HS3ST5: variants seen among roughly 807,000 people sequenced by gnomAD.
The protein encoded by HS3ST5 is heparan sulfate glucosamine 3-O-sulfotransferase 5.
Under a neutral mutation model 25.4 loss-of-function variants are expected in HS3ST5, and 10 were observed. The ratio of observed to expected loss-of-function variants is 0.39; its 90% CI spans 0.24 to 0.67. HS3ST5 has a LOEUF of 0.67. Among genes scored for constraint, HS3ST5 ranks in the 30% least tolerant of loss-of-function variants. The pLI is 0.44. For synonymous variants in HS3ST5, 170 were observed against 162.4 expected (o/e 1.05, Z -0.36); for missense variants, 324 against 420.7 (o/e 0.77, Z 2.01).
chr6:114,098,462 A>G (rs1419135757), intron 3 of HS3ST5, among the ~76,000 whole-genome samples: 1 of 149,392 alleles, frequency 6.7e-6, no homozygotes, highest in African/African-American at 2.4e-5. Context: ...TTCAGACTTT[A>G]TGGCCACTCT....
chr6:114,132,733 G>C (rs977795184), intron 3 of HS3ST5, among the ~76,000 whole-genome samples: 1 of 152,206 alleles, frequency 6.6e-6, no homozygotes, highest in Non-Finnish European at 1.5e-5. Context: ...CAACGTGCAT[G>C]TACCTACTGT....
At chr6:114,316,691 TTTTATG>T (rs1562273940) in intron 1 of HS3ST5, among the ~76,000 whole-genome samples, 1 of 152,240 alleles carries the variant, frequency 6.6e-6, no homozygotes, top group Non-Finnish European at 1.5e-5. Flanking sequence ...TCAATATTAC[TTTTATG>T]TTCTACAGTT....
chr6:114,119,775 T>C (rs1776693069), intron 3 of HS3ST5, among the ~76,000 whole-genome samples: 1 of 152,196 alleles, frequency 6.6e-6, no homozygotes, highest in African/African-American at 2.4e-5. Context: ...AACAAATGTT[T>C]ATCGAGTAAC....
intron 3 of HS3ST5, among the ~76,000 whole-genome samples, chr6:114,152,699 C>G (rs556719571): frequency 1.3e-5 from 2 of 152,216 alleles, no homozygotes; most frequent in East Asian, 3.9e-4. Flanking sequence ...CTCAGTTCTC[C>G]GCCTGGACAC....
intron 3 of HS3ST5, among the ~76,000 whole-genome samples, chr6:114,148,472 T>A (rs1292380098): frequency 5.3e-5 from 8 of 151,768 alleles, no homozygotes; most frequent in Non-Finnish European, 8.8e-5. Flanking sequence ...TACAAAAAAA[T>A]TAACTGGGTG....
At chr6:114,152,650 T>C (rs1473972205) in intron 3 of HS3ST5, among the ~76,000 whole-genome samples, 2 of 152,120 alleles carry the variant, frequency 1.3e-5, no homozygotes, top group Non-Finnish European at 2.9e-5. Flanking sequence ...TAAAGTGGAT[T>C]TTGCTGAGAG....
intron 3 of HS3ST5, among the ~76,000 whole-genome samples, chr6:114,119,278 G>C (rs1776671391): frequency 6.6e-6 from 1 of 152,206 alleles, no homozygotes; most frequent in Non-Finnish European, 1.5e-5. Context: ...GGCAACACTG[G>C]CATGGTGGTT....
chr6:114,287,667 A>C (rs2114762780), intron 1 of HS3ST5, among the ~76,000 whole-genome samples: 1 of 152,126 alleles, frequency 6.6e-6, no homozygotes, highest in Non-Finnish European at 1.5e-5. Flanking sequence ...GGGATGATTC[A>C]AGAAGCCTGA....
intron 2 of HS3ST5, among the ~76,000 whole-genome samples, chr6:114,194,909 C>T (rs545243895): frequency 6.6e-6 from 1 of 152,322 alleles, no homozygotes; most frequent in South Asian, 2.1e-4. Context: ...GGCCAGAGGC[C>T]GTGCCTCCCA....
intron 2 of HS3ST5, among the ~76,000 whole-genome samples, chr6:114,216,228 C>T (rs984901476): frequency 6.6e-6 from 1 of 152,206 alleles, no homozygotes; most frequent in African/African-American, 2.4e-5. Flanking sequence ...GCTGAATGCA[C>T]TGGCTAGACC....
At chr6:114,103,050 A>G (rs1178170332) in intron 3 of HS3ST5, among the ~76,000 whole-genome samples, 1 of 152,210 alleles carries the variant, frequency 6.6e-6, no homozygotes, top group African/African-American at 2.4e-5. Flanking sequence ...GCTATCTGAA[A>G]AAGGATCAAA....
chr6:114,168,576 G>A (rs1779325292), intron 2 of HS3ST5, 114 bp from the exon 3 acceptor site: 1 of 152,192 alleles, frequency 6.6e-6, no homozygotes, highest in Non-Finnish European at 1.5e-5. Flanking sequence ...GAAGTATATT[G>A]TGGATGATAA....
chr6:114,220,477 T>C (rs184168686), intron 2 of HS3ST5, among the ~76,000 whole-genome samples: 3 of 152,098 alleles, frequency 2.0e-5, no homozygotes, highest in Non-Finnish European at 4.4e-5. Context: ...CTGTATCACT[T>C]CCTAAGGACT....
intron 2 of HS3ST5, 46 bp from the exon 3 acceptor site, chr6:114,168,508 T>G (rs2114998317): frequency 6.6e-6 from 1 of 152,390 alleles, no homozygotes. Context: ...TTAAGTCTTT[T>G]TGTTTGTTTG....
intron 1 of HS3ST5, among the ~76,000 whole-genome samples, chr6:114,335,059 G>T (rs1246530342): frequency 6.6e-6 from 1 of 152,052 alleles, no homozygotes; most frequent in African/African-American, 2.4e-5. Flanking sequence ...AAATACTTGG[G>T]GGCTAACTGT....
At chr6:114,284,234 A>G (rs1321268758) in intron 1 of HS3ST5, among the ~76,000 whole-genome samples, 4 of 152,038 alleles carry the variant, frequency 2.6e-5, no homozygotes, top group Non-Finnish European at 5.9e-5. Flanking sequence ...TTCATTTTTC[A>G]CATTAAAAAT....
chr6:114,268,253 A>C (rs1773494128), intron 1 of HS3ST5, among the ~76,000 whole-genome samples: 1 of 152,130 alleles, frequency 6.6e-6, no homozygotes, highest in South Asian at 2.1e-4. Flanking sequence ...GGGTTTACTC[A>C]GTTCTCTTAG....
At chr6:114,123,714 T>C (rs1357235865) in intron 3 of HS3ST5, among the ~76,000 whole-genome samples, 1 of 152,210 alleles carries the variant, frequency 6.6e-6, no homozygotes, top group Non-Finnish European at 1.5e-5. Flanking sequence ...GTGGGTCCTA[T>C]AGCTATGAAT....
chr6:114,125,510 C>T (rs1776996067), intron 3 of HS3ST5, among the ~76,000 whole-genome samples: 1 of 152,100 alleles, frequency 6.6e-6, no homozygotes, highest in Non-Finnish European at 1.5e-5. Context: ...CTTAAATATT[C>T]AGAAGGATCA....
Sources: allele counts gnomAD v4.1 joint callset (sites outside exome capture counted in the v4.1 genomes callset), GRCh38; gene constraint gnomAD v4.1.1; transcripts MANE v1.5; gene names NCBI Gene and HGNC (gene_info 2026-07-23, HGNC 2026-07-21).